The following DUSP22 variants were observed in gnomAD, a reference collection of about 807,000 sequenced individuals.
The protein encoded by DUSP22 is dual specificity protein phosphatase 22.
In DUSP22, 24 loss-of-function variants were observed where a neutral mutation model predicts 24.5. The observed-to-expected ratio is 0.98, with a 90% confidence interval of 0.71 to 1.38. The LOEUF (loss-of-function observed/expected upper bound fraction) is 1.38, where lower values mean the gene tolerates loss of function less well. Ranked by LOEUF, DUSP22 falls within the 40% of genes most tolerant of loss-of-function variation. The pLI, the probability that DUSP22 is intolerant of heterozygous loss-of-function variation, is 0.00. For synonymous variants in DUSP22, 160 were observed against 106.4 expected (o/e 1.50, Z -3.10); for missense variants, 330 against 269.2 (o/e 1.23, Z -1.58).
chr6:329,243 T>C (rs1759027800), intron 3 of DUSP22, among the ~76,000 whole-genome samples: 1 of 152,422 alleles, frequency 6.6e-6, no homozygotes, highest in Admixed American at 6.5e-5. Flanking sequence ...GCTGTCAGGT[T>C]TATATGAAAG....
chr6:331,841 T>A (rs1340934539), intron 3 of DUSP22, among the ~76,000 whole-genome samples: 1 of 152,302 alleles, frequency 6.6e-6, no homozygotes, highest in East Asian at 1.9e-4. Context: ...TTTTTGACAG[T>A]TTTGACTCCT....
At chr6:344,076 G>A (rs1381532643) in intron 4 of DUSP22, among the ~76,000 whole-genome samples, 1 of 152,298 alleles carries the variant, frequency 6.6e-6, no homozygotes, top group Non-Finnish European at 1.5e-5. Flanking sequence ...AGTGGCAGGG[G>A]ACACACATGC....
intron 3 of DUSP22, among the ~76,000 whole-genome samples, chr6:321,244 G>C (rs958433539): frequency 2.6e-5 from 4 of 152,308 alleles, no homozygotes; most frequent in Non-Finnish European, 4.4e-5. Flanking sequence ...CTGGCACTTT[G>C]GGAGCTCACC....
chr6:298,716 A>T (rs1388536105), intron 1 of DUSP22, among the ~76,000 whole-genome samples: 1 of 152,304 alleles, frequency 6.6e-6, no homozygotes, highest in Admixed American at 6.5e-5. Flanking sequence ...TGTAACAGAA[A>T]ACAGGAATCT....
chr6:331,921 T>A (rs950542780), intron 3 of DUSP22, among the ~76,000 whole-genome samples: 1 of 152,308 alleles, frequency 6.6e-6, no homozygotes, highest in South Asian at 2.1e-4. Flanking sequence ...CCTGTTGCAG[T>A]GGCCAGGAGG....
At chr6:316,622 A>ATATT (rs1434732624) in intron 3 of DUSP22, among the ~76,000 whole-genome samples, 2 of 152,304 alleles carry the variant, frequency 1.3e-5, no homozygotes, top group Non-Finnish European at 2.9e-5. Context: ...TGAGCAATGA[A>ATATT]AGGTTTCTCC....
rs542510532 is a variant in DUSP22, at chr6:293,253, C to T, written c.21+693C>T. Reference sequence around the variant, plus strand: ...ACCCTGTGTTCTTTTGTTGCCCGCACCTCACTTCCCGGGCGGTGGGCTAGC... The same window carrying T: ...ACCCTGTGTTCTTTTGTTGCCCGCATCTCACTTCCCGGGCGGTGGGCTAGC... On this transcript the variant is annotated intron_variant, in intron 1 of 6. Transcript: ENST00000419235. Among the ~76,000 whole-genome samples the T allele has an allele frequency of 8.5e-5, 13 of 152,418 alleles. No homozygotes were observed. The South Asian group carries it at 2.7e-3, about 32-fold the overall frequency.
rs533328438 is a variant in DUSP22, at chr6:350,669, C to T, written c.*1718C>T. On this transcript the variant is annotated 3_prime_UTR_variant, in exon 7 of 7. Transcript: ENST00000419235. ...ATTTGCCAATAAAGTACATGTTTTT[C>T]CTAAGCCAAAAATAAATACGTTAAC... 2 of 1,531,982 alleles carry T rather than the reference C, an allele frequency of 1.3e-6. No individual in the cohort carries two copies. Among genetic ancestry groups the T allele is most frequent in the South Asian group, 1.3e-5 (1 of 79,034 alleles). The allele number at this position is 1,531,982 out of a possible 1,614,324, so 94.9% of individuals were successfully genotyped here.
rs555709043 is a variant in DUSP22 at position 337,723 on chromosome 6, C to T, written c.188+2560C>T. Reference sequence around the variant, plus strand: ...GTCTGGACTTTTAGCGCATCCGTCACCCGAATAGTGAACGTTTTACTCTTT... The same window carrying T: ...GTCTGGACTTTTAGCGCATCCGTCATCCGAATAGTGAACGTTTTACTCTTT... On this transcript the variant is annotated intron_variant, in intron 4 of 6. Coordinates refer to ENST00000419235, the MANE Select transcript of DUSP22 (RefSeq NM_001286555.3). Among the ~76,000 whole-genome samples the T allele has an allele frequency of 2.0e-5, 3 of 152,418 alleles. No individual in the cohort carries two copies. The East Asian group carries it at 5.8e-4, about 29-fold the overall frequency.
At chr6:321,041 C>A (rs1758565564) in intron 3 of DUSP22, among the ~76,000 whole-genome samples, 1 of 152,304 alleles carries the variant, frequency 6.6e-6, no homozygotes, top group Non-Finnish European at 1.5e-5. Context: ...AGGCGGCTAA[C>A]ACTGCAGGGC....
rs1356488479 is a variant in DUSP22 at position 335,096 on chromosome 6, C to T, written c.139-18C>T. ...TCATGTTTTTATTTTTATGTATTTACTTTTTATTATTCTGCAGGGAGTTAA... is the reference window on the plus strand; with the variant it reads ...TCATGTTTTTATTTTTATGTATTTATTTTTTATTATTCTGCAGGGAGTTAA... On this transcript the variant is annotated intron_variant, in intron 3 of 6. Transcript: ENST00000419235. The T allele has an allele frequency of 6.2e-7, 1 of 1,611,360 alleles. No individual in the cohort carries two copies. Among genetic ancestry groups the T allele is most frequent in the South Asian group, 1.1e-5 (1 of 90,458 alleles).
intron 4 of DUSP22, among the ~76,000 whole-genome samples, chr6:344,119 C>A (rs1358127320): frequency 6.6e-6 from 1 of 152,306 alleles, no homozygotes. Context: ...GGGCTCGAGT[C>A]CTGCCTGGCT....
At position 349,504 on chromosome 6, in the gene DUSP22, G is replaced by T; in HGVS notation, c.*553G>T. The T allele has an allele frequency of 1.0e-6, 1 of 994,808 alleles. No homozygotes were observed. Among genetic ancestry groups the T allele is most frequent in the South Asian group, 4.5e-5 (1 of 22,180 alleles). The allele number at this position is 994,808 out of a possible 1,614,324, so 61.6% of individuals were successfully genotyped here. A position where few individuals can be genotyped will look rare whatever the true frequency, so the allele number is the denominator to read the frequency against. On this transcript the variant is annotated 3_prime_UTR_variant, in exon 7 of 7. Transcript: ENST00000419235. ...AGCAGTCTGTGCCTCTGAGCAGACC[G>T]TGAGAACTCAGGGGACGAGTGGCTA...
intron 1 of DUSP22, among the ~76,000 whole-genome samples, chr6:302,976 A>G (rs986262199): frequency 2.8e-4 from 43 of 152,412 alleles, no homozygotes; most frequent in Non-Finnish European, 1.8e-4. Context: ...CTCTGCTCGC[A>G]CTGGACTCGG....
chr6:294,704 C>G (rs1009551679), intron 1 of DUSP22, among the ~76,000 whole-genome samples: 1 of 152,268 alleles, frequency 6.6e-6, no homozygotes, highest in South Asian at 2.1e-4. Flanking sequence ...TCATTTTGGA[C>G]TAGCCACATT....
chr6:301,380 G>A (rs757322443), intron 1 of DUSP22, among the ~76,000 whole-genome samples: 170 of 152,358 alleles, frequency 1.1e-3, no homozygotes, highest in Non-Finnish European at 2.1e-3. Flanking sequence ...GACCTGGCTC[G>A]GCTGGACATA....
At chr6:311,741 T>G in intron 2 of DUSP22, 139 bp from the exon 3 acceptor site, 1 of 895,592 alleles carries the variant, frequency 1.1e-6, no homozygotes, top group Non-Finnish European at 1.6e-6. Flanking sequence ...CTAAGTTTCC[T>G]ACATGTATGG....
intron 1 of DUSP22, among the ~76,000 whole-genome samples, chr6:302,936 GT>G (rs1420133006): frequency 1.3e-5 from 2 of 152,308 alleles, no homozygotes; most frequent in African/African-American, 4.8e-5. Flanking sequence ...CAGGAGCTTG[GT>G]GGGGTCTTAG....
chr6:311,044 T>C (rs1440014365), intron 2 of DUSP22, among the ~76,000 whole-genome samples: 2 of 152,298 alleles, frequency 1.3e-5, no homozygotes, highest in Non-Finnish European at 2.9e-5. Context: ...GAGAGTAAAA[T>C]AGGGGCTCAA....
Sources: gnomAD v4.1 joint callset for allele counts (sites outside exome capture counted in the v4.1 genomes callset) on GRCh38, gnomAD v4.1.1 for gene constraint, MANE v1.5 for transcripts, NCBI Gene and HGNC (gene_info 2026-07-23, HGNC 2026-07-21) for gene names.